The following CHRNA7 variants were observed in gnomAD, a reference collection of about 807,000 sequenced individuals.
CHRNA7 encodes the protein neuronal acetylcholine receptor subunit alpha-7.
A neutral mutation model predicts 48.0 loss-of-function variants in CHRNA7; 17 were observed. The ratio of observed to expected loss-of-function variants is 0.35; its 90% CI spans 0.24 to 0.53. The LOEUF (loss-of-function observed/expected upper bound fraction) is 0.53, where lower values mean the gene tolerates loss of function less well. Among genes scored for constraint, CHRNA7 ranks in the 20% least tolerant of loss-of-function variants. The pLI is 0.92. For synonymous variants in CHRNA7, 75 were observed against 242.3 expected (o/e 0.31, Z 6.41); for missense variants, 155 against 577.7 (o/e 0.27, Z 7.50).
At chr15:32,100,387 A>G (rs1015489020) in intron 2 of CHRNA7, 1 of 152,232 alleles carries the variant, frequency 6.6e-6, no homozygotes, top group Non-Finnish European at 1.5e-5. Flanking sequence ...CAACATTCTC[A>G]GTATGACTAT....
chr15:32,137,799 C>G (rs1441460360), intron 4 of CHRNA7, among the ~76,000 whole-genome samples: 1 of 152,228 alleles, frequency 6.6e-6, no homozygotes, highest in Admixed American at 6.5e-5. Flanking sequence ...TGCAGGCAGA[C>G]ATACATAGCC....
At chr15:32,096,714 A>C (rs914755023) in intron 2 of CHRNA7, among the ~76,000 whole-genome samples, 1 of 152,232 alleles carries the variant, frequency 6.6e-6, no homozygotes, top group African/African-American at 2.4e-5. Flanking sequence ...TCACGAAAGA[A>C]TAATTGCTGC....
intron 2 of CHRNA7, among the ~76,000 whole-genome samples, chr15:32,034,510 A>G (rs1159218902): frequency 2.0e-5 from 3 of 152,138 alleles, no homozygotes; most frequent in Non-Finnish European, 4.4e-5. Context: ...GAGGTGCTAG[A>G]TGAGTGTGGG....
chr15:32,054,497 C>T lies in CHRNA7; in HGVS notation c.195+23460C>T, dbSNP rs137948224. On this transcript the variant is annotated intron_variant, in intron 2 of 9. Transcript: ENST00000306901. ...AGAGTAGATATACACTAATGTGGCACGATATCAAAACCAATTCAGTGGGTT... is the reference window on the plus strand; with the variant it reads ...AGAGTAGATATACACTAATGTGGCATGATATCAAAACCAATTCAGTGGGTT... Among the ~76,000 whole-genome samples the T allele has an allele frequency of 1.1e-3, 175 of 152,254 alleles. 1 individual carries two copies. The highest frequency in any genetic ancestry group is 4.0e-3 in the African/African-American group (165 of 41,552).
chr15:32,063,115 G>A (rs1165949217), intron 2 of CHRNA7, among the ~76,000 whole-genome samples: 1 of 152,208 alleles, frequency 6.6e-6, no homozygotes, highest in African/African-American at 2.4e-5. Context: ...AGTGCAGCTT[G>A]CAGGACTGGA....
intron 4 of CHRNA7, among the ~76,000 whole-genome samples, chr15:32,116,622 G>A (rs2050875983): frequency 6.6e-6 from 1 of 152,294 alleles, no homozygotes; most frequent in African/African-American, 2.4e-5. Flanking sequence ...GGAATTAAAG[G>A]CCTTGCTGGG....
Position 32,170,373 on chromosome 15 carries a change from C to T in CHRNA7, c.*1915C>T, listed in dbSNP as rs150936224. 0.2 allele frequency: 27,474 copies of T among 137,962 alleles called. 10 individuals carry two copies. The highest frequency in any genetic ancestry group is 0.25 in the Non-Finnish European group (16,229 of 63,740). The allele number at this position is 137,962 out of a possible 1,614,324, so 8.5% of individuals were successfully genotyped here. On this transcript the variant is annotated 3_prime_UTR_variant, in exon 10 of 10. Coordinates refer to ENST00000306901, the MANE Select transcript of CHRNA7 (RefSeq NM_000746.6). ...CAGGCGGCTTGGAGCAGGATCATTC[C>T]TCAGCAGGCATTCCTTCCACATGCT...
intron 2 of CHRNA7, among the ~76,000 whole-genome samples, chr15:32,042,744 C>G (rs1454705650): frequency 1.3e-5 from 2 of 152,124 alleles, no homozygotes; most frequent in African/African-American, 2.4e-5. Context: ...CTGTGTGTTC[C>G]CCTCTTAGTT....
At chr15:32,038,056 G>GTGTATATA (rs1555372369) in intron 2 of CHRNA7, among the ~76,000 whole-genome samples, 8 of 144,210 alleles carry the variant, frequency 5.5e-5, no homozygotes, top group South Asian at 4.3e-4. Flanking sequence ...TTTTGGATAT[G>GTGTATATA]TATATATATA....
At chr15:32,108,074 CT>C (rs1486595779) in intron 3 of CHRNA7, among the ~76,000 whole-genome samples, 1 of 151,892 alleles carries the variant, frequency 6.6e-6, no homozygotes, top group Non-Finnish European at 1.5e-5. Context: ...CTCCCTTCCC[CT>C]CTCTCATCCC....
At chr15:32,152,952 C>A (rs1246983309) in intron 4 of CHRNA7, among the ~76,000 whole-genome samples, 2 of 152,088 alleles carry the variant, frequency 1.3e-5, no homozygotes, top group African/African-American at 4.8e-5. Flanking sequence ...TAACTCCTGG[C>A]TGCAGGAGGC....
intron 2 of CHRNA7, among the ~76,000 whole-genome samples, chr15:32,034,362 T>C (rs1254174163): frequency 1.3e-5 from 2 of 152,230 alleles, no homozygotes. Flanking sequence ...AGAAAATTTA[T>C]GCTATGTTTT....
chr15:32,037,396 G>T (rs560991032), intron 2 of CHRNA7, among the ~76,000 whole-genome samples: 1 of 152,148 alleles, frequency 6.6e-6, no homozygotes, highest in Admixed American at 6.5e-5. Context: ...TCAACATTGT[G>T]TTGGCTATTC....
chr15:32,104,486 G>A (rs1442264778), intron 3 of CHRNA7, among the ~76,000 whole-genome samples: 3 of 152,122 alleles, frequency 2.0e-5, no homozygotes, highest in African/African-American at 7.2e-5. Flanking sequence ...TCTCCCAAAG[G>A]CTTCTCACCA....
chr15:32,130,671 C>G (rs531955997), intron 4 of CHRNA7, among the ~76,000 whole-genome samples: 2 of 151,578 alleles, frequency 1.3e-5, no homozygotes, highest in East Asian at 3.9e-4. Flanking sequence ...TCTCTTTGTA[C>G]ACCTATTTCA....
At chr15:32,148,602 G>T (rs1467105136) in intron 4 of CHRNA7, among the ~76,000 whole-genome samples, 2 of 152,136 alleles carry the variant, frequency 1.3e-5, no homozygotes. Context: ...CCCACCCACA[G>T]GGTCCACCTG....
chr15:32,094,222 C>CT (rs2050429329), intron 2 of CHRNA7, among the ~76,000 whole-genome samples: 1 of 152,158 alleles, frequency 6.6e-6, no homozygotes, highest in Admixed American at 6.5e-5. Flanking sequence ...GGATCCAAGG[C>CT]TTGAAGGAAG....
intron 2 of CHRNA7, among the ~76,000 whole-genome samples, chr15:32,094,037 G>T (rs1276395329): frequency 6.6e-6 from 1 of 152,160 alleles, no homozygotes; most frequent in Non-Finnish European, 1.5e-5. Flanking sequence ...TCTTCGGGGT[G>T]CTGTGTTTTA....
chr15:32,058,864 A>G (rs1194311662), intron 2 of CHRNA7, among the ~76,000 whole-genome samples: 2 of 152,322 alleles, frequency 1.3e-5, no homozygotes, highest in East Asian at 3.9e-4. Context: ...CTATATGTAT[A>G]TAACTTTAAA....
Sources: gnomAD v4.1 joint callset for allele counts (sites outside exome capture counted in the v4.1 genomes callset) on GRCh38, gnomAD v4.1.1 for gene constraint, MANE v1.5 for transcripts, NCBI Gene and HGNC (gene_info 2026-07-23, HGNC 2026-07-21) for gene names.